The following FHDC1 variants were observed in gnomAD, a reference collection of about 807,000 sequenced individuals.
The protein encoded by FHDC1 is FH2 domain-containing protein 1.
A neutral mutation model predicts 52.6 loss-of-function variants in FHDC1; 25 were observed. The observed-to-expected ratio is 0.48, with a 90% CI of 0.35 to 0.66. The LOEUF (loss-of-function observed/expected upper bound fraction) is 0.66, where lower values mean the gene tolerates loss of function less well. Ranked by LOEUF, FHDC1 falls within the 30% of genes least tolerant of loss-of-function variation. The pLI, the probability that FHDC1 is intolerant of heterozygous loss-of-function variation, is 0.01. For synonymous variants in FHDC1, 616 were observed against 581.5 expected, an observed-to-expected ratio of 1.06 and a Z score of -0.85; for missense variants, 1,459 against 1,452.8, an observed-to-expected ratio of 1.00 and a Z score of -0.07.
rs1465442543 is a variant in FHDC1, at chr4:152,976,516, C to T, written c.3225C>T (p.Pro1075=). ...SQRQLRVKGD[P]EDAAPKDSST... ...GGCAGCTGAGGGTGAAAGGGGACCC[C>T]GAGGATGCCGCTCCCAAGGACAGCA... Residue 1075 remains proline, a synonymous_variant, in exon 12 of 12, where the codon CCC becomes CCT. Transcript: ENST00000511601. 5 of 1,613,154 alleles carry T rather than the reference C, an allele frequency of 3.1e-6. No individual in the cohort carries two copies. The African/African-American group carries it at 4.0e-5, about 13-fold the overall frequency.
chr4:152,962,991 A>T (rs760565225), intron 7 of FHDC1, 32 bp from the exon 8 acceptor site: 2 of 1,548,984 alleles, frequency 1.3e-6, no homozygotes, highest in African/African-American at 2.8e-5. Context: ...GTATGTATAC[A>T]TAATTTTTTC....
the FHDC1 span, among the ~76,000 whole-genome samples, chr4:152,930,997 A>ACACACACACACACTCTCTCT: frequency 2.0e-4 from 23 of 113,246 alleles, no homozygotes; most frequent in African/African-American, 6.4e-4. Flanking sequence ...ACACACACAC[A>ACACACACACACACTCTCTCT]CTCTCTCTCT....
intron 1 of FHDC1, among the ~76,000 whole-genome samples, chr4:152,938,602 G>T (rs1561200455): frequency 1.3e-5 from 2 of 152,058 alleles, no homozygotes; most frequent in African/African-American, 4.8e-5. Context: ...AATAAAATAG[G>T]GCTGTGTGTT....
intron 2 of FHDC1, among the ~76,000 whole-genome samples, chr4:152,949,161 AAGAAGAAGAAGC>A: frequency 6.9e-6 from 1 of 144,032 alleles, no homozygotes; most frequent in East Asian, 2.1e-4. Context: ...GAAGAAGAAG[AAGAAGAAGAAGC>A]AGAAGAAGAA....
intron 4 of FHDC1, 126 bp from the exon 5 acceptor site, chr4:152,960,439 C>T: frequency 8.0e-6 from 7 of 872,118 alleles, no homozygotes; most frequent in African/African-American, 3.4e-5. Flanking sequence ...TTTGTCTTTT[C>T]TAAATTAATT....
At chr4:152,921,433 T>A in the FHDC1 span, among the ~76,000 whole-genome samples, 6 of 152,144 alleles carry the variant, frequency 3.9e-5, no homozygotes, top group African/African-American at 1.2e-4. Flanking sequence ...CCCAGATTAC[T>A]TATGAAAACT....
At chr4:152,922,554 A>G in the FHDC1 span, among the ~76,000 whole-genome samples, 5 of 151,296 alleles carry the variant, frequency 3.3e-5, no homozygotes, top group African/African-American at 1.2e-4. Context: ...GACACAACCA[A>G]AAAAGAGAAT....
chr4:152,949,471 C>A (rs1739858433), intron 2 of FHDC1, among the ~76,000 whole-genome samples: 1 of 152,080 alleles, frequency 6.6e-6, no homozygotes, highest in African/African-American at 2.4e-5. Flanking sequence ...CAGAGCAAGA[C>A]CCTGTCTCTA....
intron 2 of FHDC1, among the ~76,000 whole-genome samples, chr4:152,949,809 TC>T (rs1277219681): frequency 3.3e-5 from 5 of 152,190 alleles, no homozygotes. Context: ...TAGCAGGAAA[TC>T]CTTGAAATGT....
At chr4:152,949,115 TAATAATAATAAGAAGAAGAAGAAGAAG>T (rs1331882778) in intron 2 of FHDC1, among the ~76,000 whole-genome samples, 84 of 77,192 alleles carry the variant, frequency 1.1e-3, no homozygotes, top group East Asian at 9.1e-3. Flanking sequence ...ATAATAATAA[TAATAATAATAAGAAGAAGAAGAAGAAG>T]AAGAAGAAGA....
intron 8 of FHDC1, among the ~76,000 whole-genome samples, chr4:152,964,042 C>T (rs1740378435): frequency 6.6e-6 from 1 of 151,926 alleles, no homozygotes; most frequent in Non-Finnish European, 1.5e-5. Flanking sequence ...TTTTGACTGT[C>T]CTTTGCTAGC....
chr4:152,928,156 C>T, the FHDC1 span: 359 of 828,838 alleles, frequency 4.3e-4, 3 homozygotes, highest in East Asian at 6.6e-3. Context: ...TCAATGCCAC[C>T]GGAAAGATTG....
chr4:152,954,742 C>T (rs1740033127), intron 4 of FHDC1, among the ~76,000 whole-genome samples: 1 of 152,078 alleles, frequency 6.6e-6, no homozygotes, highest in African/African-American at 2.4e-5. Flanking sequence ...GAAGGGCACT[C>T]TCCTACCCAG....
chr4:152,973,978 C>G (rs575689726), intron 11 of FHDC1, among the ~76,000 whole-genome samples: 3 of 152,284 alleles, frequency 2.0e-5, no homozygotes, highest in South Asian at 4.1e-4. Flanking sequence ...CAGGCTAGGA[C>G]GTGAGAGGCA....
At position 152,963,057 on chromosome 4, in the gene FHDC1, T is replaced by G. The variant is rs773547122; in HGVS notation, c.956T>G (p.Leu319Arg). Reference protein sequence around the residue: ...GYAGNAVGFKLSSLLKLADTK... With the variant: ...GYAGNAVGFKRSSLLKLADTK... ...GCCGGCAATGCAGTAGGATTTAAAC[T>G]GTCTTCTTTGCTCAAATTGGCAGAC... The change falls in exon 8 of 12, where the codon CTG (leucine) becomes CGG (arginine). Residue 319 changes from leucine to arginine, a missense_variant. This residue lies in a region of FHDC1 where 513 missense variants were observed against 581.5 expected (regional missense o/e 0.88). Coordinates refer to ENST00000511601, the MANE Select transcript of FHDC1 (RefSeq NM_001371116.1). 6.2e-7 allele frequency: 1 copy of G among 1,613,846 alleles called. No homozygotes were observed. The highest frequency in any genetic ancestry group is 2.2e-5 in the East Asian group (1 of 44,894).
chr4:152,975,056 G>A lies in FHDC1; in HGVS notation c.1765G>A (p.Ala589Thr). 2 of 1,612,460 alleles carry A rather than the reference G, an allele frequency of 1.2e-6. No individual in the cohort carries two copies. Among genetic ancestry groups the A allele is most frequent in the Non-Finnish European group, 1.7e-6 (2 of 1,179,728 alleles). ...ARPTIACLEP[A>T]EVRHQDSSFA... ...GCCCACGATAGCCTGCCTGGAGCCT[G>A]CAGAAGTGAGGCACCAGGACTCCAG... is the stretch of plus-strand genomic sequence containing the variant. The change falls in exon 12 of 12, where the codon GCA becomes ACA. Residue 589 changes from alanine (A) to threonine (T), a missense_variant. Around this residue, in one of 3 missense-constraint regions of FHDC1, gnomAD observed 939 missense variants for 854.5 expected, o/e 1.10. Transcript: ENST00000511601.
intron 9 of FHDC1, among the ~76,000 whole-genome samples, chr4:152,967,422 G>A (rs968463309): frequency 4.6e-4 from 69 of 150,510 alleles, no homozygotes; most frequent in African/African-American, 1.5e-3. Context: ...GGGAGATTGT[G>A]TCTCAAAAAA....
At chr4:152,949,157 G>GAAGAAGAAGAAGAAGAAAAGAA (rs1739845310) in intron 2 of FHDC1, among the ~76,000 whole-genome samples, 5 of 150,208 alleles carry the variant, frequency 3.3e-5, no homozygotes, top group African/African-American at 9.8e-5. Context: ...AGAAGAAGAA[G>GAAGAAGAAGAAGAAGAAAAGAA]AAGAAGAAGA....
intron 2 of FHDC1, among the ~76,000 whole-genome samples, chr4:152,949,167 A>AAGAAGC (rs1276502800): frequency 4.1e-5 from 6 of 146,566 alleles, no homozygotes; most frequent in Admixed American, 1.4e-4. Flanking sequence ...GAAGAAGAAG[A>AAGAAGC]AGAAGCAGAA....
Sources: gnomAD v4.1 joint callset for allele counts (sites outside exome capture counted in the v4.1 genomes callset) on GRCh38, gnomAD v4.1.1 for gene constraint, gnomAD v4.1.1 regional missense constraint, MANE v1.5 for transcripts, NCBI Gene and HGNC (gene_info 2026-07-23, HGNC 2026-07-21) for gene names.